Variants in ERC1 observed in about 807,000 individuals in gnomAD.
ERC1 encodes ELKS/RAB6-interacting/CAST family member 1.
A neutral mutation model predicts 132.0 loss-of-function variants in ERC1; 56 were observed. That is an observed-to-expected ratio of 0.42 (90% CI 0.34 to 0.53). ERC1 has a LOEUF of 0.53. Among genes scored for constraint, ERC1 ranks in the 20% least tolerant of loss-of-function variants. ERC1 has a pLI of 0.03. For missense variants in ERC1, 1,202 were observed against 1,349.9 expected (o/e 0.89, Z 1.72); for synonymous variants, 478 against 476.1 (o/e 1.00, Z -0.05).
At chr12:1,375,255 C>G (rs921584169) in intron 16 of ERC1, among the ~76,000 whole-genome samples, 3 of 152,172 alleles carry the variant, frequency 2.0e-5, no homozygotes, top group Admixed American at 1.3e-4. Flanking sequence ...CAAGGCACAT[C>G]TTACATGGTG....
chr12:1,183,106 G>A (rs1338552397), intron 10 of ERC1, among the ~76,000 whole-genome samples, 175 bp from the exon 11 acceptor site: 1 of 152,194 alleles, frequency 6.6e-6, no homozygotes, highest in Non-Finnish European at 1.5e-5. Flanking sequence ...TATTTGTTAA[G>A]AGTTGAAAGC....
At chr12:1,462,353 A>G (rs73599922) in intron 18 of ERC1, among the ~76,000 whole-genome samples, 9,651 of 152,292 alleles carry the variant, frequency 0.063, 1,012 homozygotes, top group African/African-American at 0.22. Context: ...ATGAAAGCAT[A>G]TGTCCACAAA....
intron 7 of ERC1, among the ~76,000 whole-genome samples, chr12:1,117,649 T>G (rs1335251860): frequency 6.6e-6 from 1 of 152,240 alleles, no homozygotes; most frequent in African/African-American, 2.4e-5. Flanking sequence ...ATAGTAGTGC[T>G]TAACTCATAA....
chr12:1,302,988 A>C (rs1002435437), intron 15 of ERC1, among the ~76,000 whole-genome samples: 2 of 152,154 alleles, frequency 1.3e-5, no homozygotes, highest in African/African-American at 4.8e-5. Context: ...TATGTACACT[A>C]TGCTATAGTC....
chr12:1,129,863 T>A (rs1024108714), intron 7 of ERC1, among the ~76,000 whole-genome samples: 23 of 151,158 alleles, frequency 1.5e-4, no homozygotes, highest in African/African-American at 5.6e-4. Context: ...TGAAAAGGCA[T>A]TAATGTAACA....
At chr12:1,145,728 C>G (rs1023324770) in intron 8 of ERC1, among the ~76,000 whole-genome samples, 1 of 152,112 alleles carries the variant, frequency 6.6e-6, no homozygotes, top group Non-Finnish European at 1.5e-5. Context: ...AGTCTTTGAG[C>G]CATCTTGAGT....
chr12:1,422,655 A>G (rs2092470949), intron 17 of ERC1, among the ~76,000 whole-genome samples: 1 of 152,184 alleles, frequency 6.6e-6, no homozygotes, highest in Non-Finnish European at 1.5e-5. Context: ...TGCTGCACTA[A>G]ACATGGGAGT....
At chr12:1,034,824 T>C (rs909397922) in intron 2 of ERC1, among the ~76,000 whole-genome samples, 46 of 152,208 alleles carry the variant, frequency 3.0e-4, no homozygotes, top group Admixed American at 1.3e-3. Flanking sequence ...TAAGTATCAG[T>C]CTGCATTCAA....
intron 18 of ERC1, among the ~76,000 whole-genome samples, chr12:1,477,557 G>C (rs753006310): frequency 3.4e-4 from 51 of 152,170 alleles, no homozygotes; most frequent in Non-Finnish European, 6.0e-4. Context: ...CAGCCTAGCA[G>C]GTGTTTTCAG....
intron 7 of ERC1, among the ~76,000 whole-genome samples, chr12:1,137,928 TTATATAA>T (rs1007725928): frequency 1.9e-4 from 25 of 130,466 alleles, no homozygotes; most frequent in African/African-American, 2.4e-4. Context: ...ATAATACATA[TTATATAA>T]TATATAATAT....
rs967981197 is a variant in ERC1, at chr12:1,159,559, C to T, written c.1737+17772C>T. On this transcript the variant is annotated intron_variant, in intron 8 of 18. Transcript: ENST00000360905. ...TTGCTGATTGAGATTAACTTGGGGC[C>T]ATAGTGAATAAGTCAGATCTTTTTT... Among the ~76,000 whole-genome samples, 4 of 152,128 alleles carry T rather than the reference C, an allele frequency of 2.6e-5. No homozygotes were observed. The East Asian group carries it at 7.7e-4, about 29-fold the overall frequency.
chr12:1,378,058 C>T (rs891718198), intron 16 of ERC1, among the ~76,000 whole-genome samples: 7 of 152,082 alleles, frequency 4.6e-5, no homozygotes, highest in African/African-American at 1.4e-4. Context: ...TGAAATGTGT[C>T]GTCTTTACCT....
chr12:1,110,004 G>A (rs1365492538), intron 4 of ERC1, among the ~76,000 whole-genome samples, 188 bp from the exon 5 acceptor site: 2 of 152,170 alleles, frequency 1.3e-5, no homozygotes, highest in African/African-American at 2.4e-5. Flanking sequence ...CTAAGATTGC[G>A]TCACTGCACT....
chr12:1,352,686 AC>A (rs2085118770), intron 15 of ERC1, among the ~76,000 whole-genome samples: 2 of 150,718 alleles, frequency 1.3e-5, no homozygotes, highest in African/African-American at 5.0e-5. Flanking sequence ...TCTCTACTAC[AC>A]TTGTCCATGC....
Position 1,151,750 on chromosome 12 carries a change from A to G in ERC1, c.1737+9963A>G, listed in dbSNP as rs1011018220. 10 of 94,512 alleles carry G rather than the reference A, an allele frequency of 1.1e-4. No individual in the cohort carries two copies. The African/African-American group carries it at 1.2e-3, about 11-fold the overall frequency. 5.9% of individuals were successfully genotyped at this position (94,512 alleles called of 1,614,324 possible). ...CCTGTTTCATTTCACACAACTGCCC[A>G]ACTTGGTGGATCAGAAGACAACAGG... On this transcript the variant is annotated intron_variant, in intron 8 of 18. Transcript: ENST00000360905.
rs184407092 is a variant in ERC1, at chr12:1,141,565, G to A, written c.1570-55G>A. On this transcript the variant is annotated intron_variant, in intron 7 of 18. Transcript: ENST00000360905. Reference sequence around the variant, plus strand: ...ACCTTTATAACATATCTATTTGAAAGGAATTACATTCTTTTCTTTTTAATT... The same window carrying A: ...ACCTTTATAACATATCTATTTGAAAAGAATTACATTCTTTTCTTTTTAATT... 8.6e-5 allele frequency: 121 copies of A among 1,400,432 alleles called. 1 individual carries two copies. In the African/African-American group the frequency reaches 1.5e-3, roughly 18 times the overall value. 86.8% of individuals were successfully genotyped at this position (1,400,432 alleles called of 1,614,324 possible).
intron 7 of ERC1, among the ~76,000 whole-genome samples, chr12:1,121,437 A>C (rs573307908): frequency 1.3e-5 from 2 of 152,236 alleles, no homozygotes; most frequent in Non-Finnish European, 1.5e-5. Context: ...AGAAGAAACA[A>C]TTCATGTTGG....
chr12:1,211,358 A>C (rs1280191397), intron 12 of ERC1, among the ~76,000 whole-genome samples: 1 of 152,076 alleles, frequency 6.6e-6, no homozygotes, highest in Admixed American at 6.6e-5. Flanking sequence ...ATTGTTGGTC[A>C]GGCTGGTCTC....
chr12:1,026,809 G>T (rs1430045652), intron 1 of ERC1, among the ~76,000 whole-genome samples: 1 of 152,130 alleles, frequency 6.6e-6, no homozygotes, highest in Non-Finnish European at 1.5e-5. Flanking sequence ...TTCCTTCCTT[G>T]TTCATCTATT....
Sources: gnomAD v4.1 joint callset for allele counts (sites outside exome capture counted in the v4.1 genomes callset) on GRCh38, gnomAD v4.1.1 for gene constraint, MANE v1.5 for transcripts, NCBI Gene and HGNC (gene_info 2026-07-23, HGNC 2026-07-21) for gene names.